The following DHX30 variants were observed in gnomAD, a reference collection of about 807,000 sequenced individuals.
DHX30 encodes the protein DExH-box helicase 30, also known as ATP-dependent RNA helicase DHX30.
In DHX30, 4 loss-of-function variants were observed where a neutral mutation model predicts 116.9. The observed-to-expected ratio is 0.03, with a 90% CI of 0.02 to 0.08. DHX30 has a LOEUF of 0.08. Ranked by LOEUF, DHX30 falls within the 10% of genes least tolerant of loss-of-function variation. The pLI is 1.00. For synonymous variants in DHX30, 697 were observed against 651.7 expected (o/e 1.07, Z -1.06); for missense variants, 871 against 1,595.1 (o/e 0.55, Z 7.73).
rs777617487 is a variant in DHX30, at chr3:47,849,849, T to C, written c.3332-18T>C. 20 of 1,611,042 alleles carry C rather than the reference T, an allele frequency of 1.2e-5. No homozygotes were observed. The highest frequency in any genetic ancestry group is 1.6e-5 in the Non-Finnish European group (19 of 1,177,790). On this transcript the variant is annotated intron_variant, in intron 21 of 21. Coordinates refer to ENST00000445061, the MANE Select transcript of DHX30 (RefSeq NM_138615.3). ...CTGGCCTCACCACAGTTCCCCACCA[T>C]CTTTTCCATTCCCTCAGATGACGGG...
chr3:47,816,313 G>A, intron 3 of DHX30: 1 of 984,002 alleles, frequency 1.0e-6, no homozygotes, highest in Non-Finnish European at 1.2e-6. Flanking sequence ...TAGACAGGCA[G>A]CTCAGGGTGA....
chr3:47,840,182 AG>A (rs1226138295), intron 6 of DHX30, among the ~76,000 whole-genome samples: 3 of 149,204 alleles, frequency 2.0e-5, no homozygotes, highest in African/African-American at 7.4e-5. Flanking sequence ...TATTTTTAGT[AG>A]AGACAGGGTT....
At chr3:47,812,440 C>T (rs1254872559) in intron 3 of DHX30, among the ~76,000 whole-genome samples, 1 of 151,010 alleles carries the variant, frequency 6.6e-6, no homozygotes, top group Admixed American at 6.6e-5. Context: ...CACCTGTATT[C>T]CCAGCTACTT....
intron 9 of DHX30, among the ~76,000 whole-genome samples, chr3:47,844,496 G>A (rs558018731): frequency 2.4e-4 from 36 of 152,250 alleles, no homozygotes; most frequent in Non-Finnish European, 4.6e-4. Flanking sequence ...TGAAGTCTGG[G>A]GAGAGGGCAG....
In DHX30 at chr3:47,849,431, CT is replaced by C; in HGVS notation, c.3088-16del. 1 of 1,571,446 alleles carries C rather than the reference CT, an allele frequency of 6.4e-7. No individual in the cohort carries two copies. The highest frequency in any genetic ancestry group is 8.7e-7 in the Non-Finnish European group (1 of 1,155,850). On this transcript the variant is annotated intron_variant, in intron 19 of 21. Coordinates refer to ENST00000445061, the MANE Select transcript of DHX30 (RefSeq NM_138615.3). ...CAGCTCCTTGCTCAGCCCCACCCGTCTTTTCCTCCATCCCTGCAGGTGAGGC... is the reference window on the plus strand; with the variant it reads ...CAGCTCCTTGCTCAGCCCCACCCGTCTTTCCTCCATCCCTGCAGGTGAGGC...
At chr3:47,820,431 C>T (rs959109247) in intron 4 of DHX30, among the ~76,000 whole-genome samples, 1 of 152,184 alleles carries the variant, frequency 6.6e-6, no homozygotes, top group Non-Finnish European at 1.5e-5. Context: ...GTCTCCTTGC[C>T]AGCCAAGTGG....
chr3:47,846,040 A>G, intron 10 of DHX30, 125 bp from the exon 11 acceptor site: 1 of 1,399,334 alleles, frequency 7.1e-7, no homozygotes, highest in South Asian at 1.3e-5. Context: ...GTCATGGACT[A>G]AATTAATCCT....
At chr3:47,806,014 GAC>G (rs2035497759) in intron 2 of DHX30, among the ~76,000 whole-genome samples, 1 of 150,228 alleles carries the variant, frequency 6.7e-6, no homozygotes, top group South Asian at 2.1e-4. Context: ...TTGTTTTTGA[GAC>G]AGTCTTGCCC....
intron 4 of DHX30, among the ~76,000 whole-genome samples, chr3:47,826,897 T>C (rs1173048526): frequency 1.3e-5 from 2 of 152,182 alleles, no homozygotes; most frequent in Admixed American, 6.6e-5. Flanking sequence ...AGGTCTCTCG[T>C]GTGTGTGTCT....
At chr3:47,806,639 G>T (rs574269062) in intron 2 of DHX30, among the ~76,000 whole-genome samples, 3 of 151,556 alleles carry the variant, frequency 2.0e-5, no homozygotes, top group South Asian at 2.1e-4. Flanking sequence ...TGAAGATGGG[G>T]TTTTACCATG....
intron 4 of DHX30, among the ~76,000 whole-genome samples, chr3:47,819,612 G>A (rs546946761): frequency 6.6e-6 from 1 of 152,322 alleles, no homozygotes; most frequent in Admixed American, 6.5e-5. Context: ...CTCCCTAGAG[G>A]CTTCACTGGT....
chr3:47,818,562 T>TAGGA (rs918664196), intron 4 of DHX30, among the ~76,000 whole-genome samples: 7 of 152,196 alleles, frequency 4.6e-5, no homozygotes, highest in Non-Finnish European at 8.8e-5. Context: ...ATCACTTTCC[T>TAGGA]GTCTCCCATG....
At chr3:47,807,181 G>A (rs1216045727) in intron 2 of DHX30, among the ~76,000 whole-genome samples, 4 of 151,888 alleles carry the variant, frequency 2.6e-5, no homozygotes, top group Non-Finnish European at 2.9e-5. Flanking sequence ...ACTCCAGCCT[G>A]GGCAACAAGA....
At chr3:47,830,413 G>A (rs1187575745) in intron 6 of DHX30, among the ~76,000 whole-genome samples, 5 of 151,420 alleles carry the variant, frequency 3.3e-5, no homozygotes, top group South Asian at 4.2e-4. Flanking sequence ...ACACCATTGC[G>A]CTCCAGCCTG....
At chr3:47,843,286 A>G in intron 9 of DHX30, 31 bp downstream of exon 9, 1 of 1,611,816 alleles carries the variant, frequency 6.2e-7, no homozygotes, top group Non-Finnish European at 8.5e-7. Context: ...GGTGTGGTGC[A>G]TGAGAATGTC....
At chr3:47,830,475 A>G (rs2036794173) in intron 6 of DHX30, among the ~76,000 whole-genome samples, 1 of 151,828 alleles carries the variant, frequency 6.6e-6, no homozygotes, top group South Asian at 2.1e-4. Flanking sequence ...AAATTTTTTC[A>G]TTTTTAGTAG....
In DHX30 at chr3:47,839,772, T is replaced by A. The variant is rs145453493; in HGVS notation, c.367-1105T>A. Among the ~76,000 whole-genome samples, 87 of 152,166 alleles carry A rather than the reference T, an allele frequency of 5.7e-4. 1 individual carries two copies. In the East Asian group the frequency reaches 0.016, roughly 28 times the overall value. On this transcript the variant is annotated intron_variant, in intron 6 of 21. Coordinates refer to ENST00000445061, the MANE Select transcript of DHX30 (RefSeq NM_138615.3). Reference sequence around the variant, plus strand: ...CTCACTGCAACCACTGCCTCCCAGGTTCAAGCGATTCTCCTGTCTCAGCCC... The same window carrying A: ...CTCACTGCAACCACTGCCTCCCAGGATCAAGCGATTCTCCTGTCTCAGCCC...
intron 4 of DHX30, chr3:47,819,173 A>T: frequency 7.4e-7 from 1 of 1,345,086 alleles, no homozygotes; most frequent in Non-Finnish European, 1.0e-6. Flanking sequence ...CCCTACCGTT[A>T]CCAAAACAAG....
chr3:47,839,494 A>G (rs1346589453), intron 6 of DHX30, among the ~76,000 whole-genome samples: 3 of 151,936 alleles, frequency 2.0e-5, no homozygotes, highest in African/African-American at 4.8e-5. Flanking sequence ...GGGTTTCTCC[A>G]TATTGGTCAG....
Sources: allele counts gnomAD v4.1 joint callset (sites outside exome capture counted in the v4.1 genomes callset), GRCh38; gene constraint gnomAD v4.1.1; transcripts MANE v1.5; gene names NCBI Gene and HGNC (gene_info 2026-07-23, HGNC 2026-07-21).